The following ZNF41 variants were observed in gnomAD, a reference collection of about 807,000 sequenced individuals.
ZNF41 encodes zinc finger protein 41.
Under a neutral mutation model 9.3 loss-of-function variants are expected in ZNF41, and 6 were observed. The observed-to-expected ratio is 0.65, with a 90% CI of 0.35 to 1.28. The LOEUF (loss-of-function observed/expected upper bound fraction) is 1.28. Ranked by LOEUF, ZNF41 falls within the 50% of genes most tolerant of loss-of-function variation. ZNF41 has a pLI of 0.03. For missense variants in ZNF41, 523 were observed against 585.8 expected (o/e 0.89, Z 1.11); for synonymous variants, 192 against 207.1 (o/e 0.93, Z 0.63).
chrX:47,464,494 C>T (rs146186633), intron 2 of ZNF41, among the ~76,000 whole-genome samples: 1,860 of 111,324 alleles, frequency 0.017, 34 homozygotes, highest in African/African-American at 0.053. Flanking sequence ...GCCTATACCC[C>T]GCTCCCTGAT....
At chrX:47,463,860 C>T (rs2056898509) in intron 2 of ZNF41, among the ~76,000 whole-genome samples, 2 of 111,199 alleles carry the variant, frequency 1.8e-5, no homozygotes, top group South Asian at 7.7e-4. Context: ...CAGCAATTGT[C>T]TCCTGCTTCC....
chrX:47,464,737 C>T, intron 2 of ZNF41, among the ~76,000 whole-genome samples: 1 of 111,684 alleles, frequency 9.0e-6, no homozygotes, highest in Non-Finnish European at 1.9e-5. Context: ...TGTCATGGCC[C>T]TAACCTGTGG....
In ZNF41 at chrX:47,460,480, G is replaced by A. The variant is rs138176150; in HGVS notation, c.73-4082C>T. Among the ~76,000 whole-genome samples, 406 of 111,728 alleles carry A rather than the reference G, an allele frequency of 3.6e-3. 5 individuals are homozygous for A. The highest frequency in any genetic ancestry group is 0.012 in the African/African-American group (382 of 30,816). On this transcript the variant is annotated intron_variant, in intron 2 of 4. Coordinates refer to ENST00000684689, the MANE Select transcript of ZNF41 (RefSeq NM_001324144.2). ...AGCATTAAAAGAGAACAAAGGGAAA[G>A]TCACAGAGTAGAAGATATCTCCAAC... is the stretch of plus-strand genomic sequence containing the variant.
At chrX:47,477,927 T>C (rs2099095575) in intron 1 of ZNF41, among the ~76,000 whole-genome samples, 1 of 112,459 alleles carries the variant, frequency 8.9e-6, no homozygotes, top group African/African-American at 3.2e-5. Context: ...TCATAATAGC[T>C]AAAAAGTGGA....
chrX:47,480,117 T>G (rs1186865761), intron 1 of ZNF41, among the ~76,000 whole-genome samples: 2 of 109,953 alleles, frequency 1.8e-5, no homozygotes, highest in African/African-American at 3.3e-5. Context: ...AGAAGAAGAA[T>G]AAACGCACAA....
At chrX:47,480,502 G>A (rs2057443176) in intron 1 of ZNF41, among the ~76,000 whole-genome samples, 1 of 110,339 alleles carries the variant, frequency 9.1e-6, no homozygotes, top group Non-Finnish European at 1.9e-5. Flanking sequence ...CATGAAATGA[G>A]GAAGTCACTA....
chrX:47,453,500 T>C (rs754125458), intron 4 of ZNF41, among the ~76,000 whole-genome samples: 3 of 111,742 alleles, frequency 2.7e-5, no homozygotes, highest in Admixed American at 9.6e-5. Flanking sequence ...ATTAAGAAAA[T>C]ATTAAAAATG....
intron 1 of ZNF41, among the ~76,000 whole-genome samples, chrX:47,474,107 G>A (rs6609517): frequency 0.28 from 31,234 of 111,230 alleles, 3,298 homozygotes; most frequent in South Asian, 0.4. Context: ...ATGAATTATC[G>A]TTCTAGCAAC....
chrX:47,470,863 T>C (rs1447432443), intron 1 of ZNF41, among the ~76,000 whole-genome samples: 1 of 111,505 alleles, frequency 9.0e-6, no homozygotes, highest in Non-Finnish European at 1.9e-5. Context: ...ACAAAGATTA[T>C]GGGACTGGGC....
chrX:47,460,978 A>C (rs2056763327), intron 2 of ZNF41, among the ~76,000 whole-genome samples: 1 of 112,100 alleles, frequency 8.9e-6, no homozygotes, highest in Non-Finnish European at 1.9e-5. Context: ...GTTATTCAAA[A>C]TATGTATAAT....
chrX:47,460,019 C>T (rs771635748), intron 2 of ZNF41, among the ~76,000 whole-genome samples: 46 of 110,437 alleles, frequency 4.2e-4, no homozygotes, highest in Non-Finnish European at 7.4e-4. Flanking sequence ...GAGGCCAAGG[C>T]AGGAGGATTG....
chrX:47,467,129 C>G (rs1342930751), intron 2 of ZNF41, among the ~76,000 whole-genome samples: 1 of 111,723 alleles, frequency 9.0e-6, no homozygotes, highest in Non-Finnish European at 1.9e-5. Context: ...GAGCTGCCCC[C>G]ACTCCCTAGG....
intron 2 of ZNF41, among the ~76,000 whole-genome samples, chrX:47,458,020 T>G (rs968679725): frequency 5.4e-5 from 6 of 111,533 alleles, no homozygotes; most frequent in African/African-American, 2.0e-4. Context: ...GGGAAGAGAA[T>G]GAAACATAAT....
chrX:47,474,876 TAAAA>T (rs35807470), intron 1 of ZNF41, among the ~76,000 whole-genome samples: 1 of 67,496 alleles, frequency 1.5e-5, no homozygotes. Flanking sequence ...AGAACCTGTC[TAAAA>T]AAAAAAAAAA....
intron 1 of ZNF41, among the ~76,000 whole-genome samples, chrX:47,470,658 C>T (rs1422945895): frequency 9.5e-6 from 1 of 105,540 alleles, no homozygotes; most frequent in African/African-American, 3.5e-5. Context: ...ACCCAGGAGG[C>T]GGAGGTTGCA....
At chrX:47,453,626 A>G (rs1272415946) in intron 4 of ZNF41, among the ~76,000 whole-genome samples, 1 of 112,558 alleles carries the variant, frequency 8.9e-6, no homozygotes, top group Non-Finnish European at 1.9e-5. Context: ...GTAATGGAGA[A>G]CAATTGTAGG....
At position 47,449,265 on chromosome X, in the gene ZNF41, G is replaced by A; in HGVS notation, c.505C>T (p.His169Tyr). The A allele has an allele frequency of 3.3e-6, 4 of 1,211,015 alleles. No homozygotes were observed. The highest frequency in any genetic ancestry group is 4.5e-6 in the Non-Finnish European group (4 of 895,176). The stretch of plus-strand genomic sequence containing the variant: ...TGAATTATTTTTTCAATGTTTTTAT[G>A]TTCATAGCCCCTCTCCTTAATCAAT... ...KVLIKERGYEHKNIEKIIHVT... is the reference protein window; with the variant it reads ...KVLIKERGYEYKNIEKIIHVT... The change falls in exon 5 of 5, where the codon CAT becomes TAT. Residue 169 changes from histidine to tyrosine, a missense_variant. Coordinates refer to ENST00000684689, the MANE Select transcript of ZNF41 (RefSeq NM_001324144.2).
Position 47,448,969 on chromosome X carries a change from C to T in ZNF41, c.801G>A (p.Glu267=), listed in dbSNP as rs370856827. Residue 267 remains glutamate (E), a synonymous_variant, in exon 5 of 5, where the codon GAG becomes GAA. Transcript: ENST00000684689. ...ATTCAGTACACACATAAAGCTTCTCCTCAGGATGAATTTTCTGATGGTGGG... is the reference window on the plus strand; with the variant it reads ...ATTCAGTACACACATAAAGCTTCTCTTCAGGATGAATTTTCTGATGGTGGG... ...APTHHQKIHP[E]EKLYVCTECV... is the part of the protein sequence containing the mutation. 5.0e-5 allele frequency: 60 copies of T among 1,209,709 alleles called. No homozygotes were observed. The highest frequency in any genetic ancestry group is 4.6e-4 in the Middle Eastern group (2 of 4,354).
At chrX:47,479,968 G>A (rs972969103) in intron 1 of ZNF41, among the ~76,000 whole-genome samples, 5 of 110,197 alleles carry the variant, frequency 4.5e-5, no homozygotes, top group Non-Finnish European at 9.5e-5. Context: ...GGTGGCACGC[G>A]CCTATAGTCC....
Sources: gnomAD v4.1 joint callset for allele counts (sites outside exome capture counted in the v4.1 genomes callset) on GRCh38, gnomAD v4.1.1 for gene constraint, MANE v1.5 for transcripts, NCBI Gene and HGNC (gene_info 2026-07-23, HGNC 2026-07-21) for gene names.